Variants in POLR1A observed in about 807,000 individuals in gnomAD.
POLR1A encodes the protein RNA polymerase I subunit A.
A neutral mutation model predicts 205.3 loss-of-function variants in POLR1A; 84 were observed. That is an observed-to-expected ratio of 0.41 (90% CI 0.34 to 0.49). POLR1A has a LOEUF of 0.49. Among genes scored for constraint, POLR1A ranks in the 20% least tolerant of loss-of-function variants. The pLI, the probability that POLR1A is intolerant of heterozygous loss-of-function variation, is 0.22. For missense variants in POLR1A, 1,645 were observed against 2,204.5 expected (o/e 0.75, Z 5.08); for synonymous variants, 799 against 863.7 (o/e 0.93, Z 1.31).
intron 14 of POLR1A, among the ~76,000 whole-genome samples, chr2:86,054,629 T>C (rs559660130): frequency 6.6e-6 from 1 of 152,350 alleles, no homozygotes; most frequent in East Asian, 1.9e-4. Context: ...GTAAATTGTT[T>C]TCATTTTATG....
chr2:86,025,866 T>C lies in POLR1A; in HGVS notation c.*1557A>G, dbSNP rs1213782011. 5 of 152,274 alleles carry C rather than the reference T, an allele frequency of 3.3e-5. No individual in the cohort carries two copies. The highest frequency in any genetic ancestry group is 1.3e-4 in the Admixed American group (2 of 15,288). The allele number at this position is 152,274 out of a possible 1,614,324, so 9.4% of individuals were successfully genotyped here. A position where few individuals can be genotyped will look rare whatever the true frequency, so the allele number is the denominator to read the frequency against. The stretch of plus-strand genomic sequence containing the variant: ...GCCTCAAAACTGTCATATTCCTCTG[T>C]GCCCATGCCTTGGTGAACCTGGCAG... On this transcript the variant is annotated 3_prime_UTR_variant, in exon 34 of 34. Coordinates refer to ENST00000263857, the MANE Select transcript of POLR1A (RefSeq NM_015425.6).
chr2:86,064,091 T>A (rs1296734938), intron 14 of POLR1A, among the ~76,000 whole-genome samples: 1 of 152,194 alleles, frequency 6.6e-6, no homozygotes, highest in Admixed American at 6.5e-5. Context: ...CAAATAAAAT[T>A]AGGAAATAGG....
At chr2:86,068,348 C>T (rs1298125159) in intron 13 of POLR1A, among the ~76,000 whole-genome samples, 1 of 119,302 alleles carries the variant, frequency 8.4e-6, no homozygotes, top group Non-Finnish European at 1.6e-5. Context: ...CCTTGGCTGT[C>T]GAGTGGGGCT....
rs1672305171 is a variant in POLR1A at position 86,028,126 on chromosome 2, C to T, written c.4898-77G>A. ...AGTCAGCAGACACAAGCCAAGCTGCCTCCACATCAGCACATGGCTTGGGAG... is the reference window on the plus strand; with the variant it reads ...AGTCAGCAGACACAAGCCAAGCTGCTTCCACATCAGCACATGGCTTGGGAG... On this transcript the variant is annotated intron_variant, in intron 32 of 33. Coordinates refer to ENST00000263857, the MANE Select transcript of POLR1A (RefSeq NM_015425.6). This position sits in a 1 kb window ranked among gnomAD's most constrained non-coding sequence, Gnocchi z 4.5. 1.4e-6 allele frequency: 2 copies of T among 1,389,180 alleles called. No individual in the cohort carries two copies. The highest frequency in any genetic ancestry group is 2.0e-6 in the Non-Finnish European group (2 of 980,088). The allele number at this position is 1,389,180 out of a possible 1,614,324, so 86.1% of individuals were successfully genotyped here.
At chr2:86,045,809 T>A in intron 19 of POLR1A, 40 bp from the exon 20 acceptor site, 3 of 1,575,226 alleles carry the variant, frequency 1.9e-6, no homozygotes, top group African/African-American at 2.7e-5. Flanking sequence ...AAGATCCACA[T>A]GTGTGTTTAA....
intron 14 of POLR1A, among the ~76,000 whole-genome samples, chr2:86,063,335 C>CAAAAAAAAAAAAA (rs34298205): frequency 7.3e-5 from 3 of 41,230 alleles, no homozygotes; most frequent in African/African-American, 1.7e-4. Flanking sequence ...AACTCCATCT[C>CAAAAAAAAAAAAA]AAAAAAAAAA....
At chr2:86,027,770 C>CAGATCCCA (rs1224290657) in intron 33 of POLR1A, 115 bp downstream of exon 33, 1 of 1,246,864 alleles carries the variant, frequency 8.0e-7, no homozygotes. Context: ...CCGCTCCCCT[C>CAGATCCCA]AGATCCCAAG....
chr2:86,033,284 T>C (rs554414982), intron 28 of POLR1A, among the ~76,000 whole-genome samples: 1 of 152,376 alleles, frequency 6.6e-6, no homozygotes, highest in African/African-American at 2.4e-5. Context: ...TCAGTTCATC[T>C]TGCCTGGGCA....
chr2:86,043,716 C>T (rs1050888303), intron 22 of POLR1A, among the ~76,000 whole-genome samples: 17 of 152,150 alleles, frequency 1.1e-4, no homozygotes, highest in Non-Finnish European at 2.4e-4. Flanking sequence ...TTGTGTCTGA[C>T]GGGCCCATGT....
intron 27 of POLR1A, among the ~76,000 whole-genome samples, chr2:86,038,129 C>T (rs1325720355): frequency 1.3e-5 from 2 of 152,236 alleles, no homozygotes. Context: ...AAATATCTAA[C>T]AGTAACTTGA....
chr2:86,045,859 G>A, intron 19 of POLR1A, 90 bp from the exon 20 acceptor site: 1 of 1,159,268 alleles, frequency 8.6e-7, no homozygotes, highest in Non-Finnish European at 1.2e-6. Flanking sequence ...ATCTGACCTT[G>A]AAGAAAAGCT....
At chr2:86,089,710 T>G (rs1030264089) in intron 4 of POLR1A, 112 bp downstream of exon 4, 6 of 702,016 alleles carry the variant, frequency 8.5e-6, no homozygotes, top group Non-Finnish European at 1.5e-5. Flanking sequence ...AGAGCTCAGA[T>G]GCAAACTCAG....
chr2:86,080,780 G>C (rs763675345), intron 9 of POLR1A, 36 bp downstream of exon 9: 1 of 1,564,272 alleles, frequency 6.4e-7, no homozygotes, highest in Non-Finnish European at 8.7e-7. Flanking sequence ...CACTAAGCAT[G>C]TGTGCTCATC....
chr2:86,102,573 C>T (rs963320218), intron 1 of POLR1A, among the ~76,000 whole-genome samples: 3 of 152,332 alleles, frequency 2.0e-5, no homozygotes, highest in Middle Eastern at 6.8e-3. Context: ...ATGGGTTGCC[C>T]TTTCACTCTG....
intron 20 of POLR1A, 90 bp downstream of exon 20, chr2:86,045,527 T>C: frequency 7.1e-7 from 1 of 1,409,574 alleles, no homozygotes; most frequent in Non-Finnish European, 1.0e-6. Flanking sequence ...CCCAGTGTCT[T>C]CTGCCCTACC....
chr2:86,042,432 G>A (rs568009542), intron 23 of POLR1A, among the ~76,000 whole-genome samples: 2 of 152,318 alleles, frequency 1.3e-5, no homozygotes, highest in East Asian at 3.9e-4. Flanking sequence ...GACTGTCTCA[G>A]GCCAGCTAGG....
intron 1 of POLR1A, among the ~76,000 whole-genome samples, chr2:86,100,657 C>A (rs1403206969): frequency 6.6e-6 from 1 of 151,984 alleles, no homozygotes; most frequent in Non-Finnish European, 1.5e-5. Flanking sequence ...CCTCAGCCTC[C>A]CGAGTAGCTG....
chr2:86,071,695 T>C (rs1292368118), intron 12 of POLR1A, among the ~76,000 whole-genome samples: 1 of 152,372 alleles, frequency 6.6e-6, no homozygotes. Context: ...TGGCTGGTCA[T>C]GTCCTTCTGA....
chr2:86,036,005 C>T (rs1672487032), intron 27 of POLR1A, among the ~76,000 whole-genome samples: 1 of 152,192 alleles, frequency 6.6e-6, no homozygotes, highest in African/African-American at 2.4e-5. Context: ...GAACTAACGG[C>T]CCACAGTGAC....
Sources: allele counts gnomAD v4.1 joint callset (sites outside exome capture counted in the v4.1 genomes callset), GRCh38; gene constraint gnomAD v4.1.1; non-coding constraint Gnocchi (gnomAD v3.1); transcripts MANE v1.5; gene names NCBI Gene and HGNC (gene_info 2026-07-23, HGNC 2026-07-21).